The following PDS5B variants were observed in gnomAD, a reference collection of about 807,000 sequenced individuals.
PDS5B encodes sister chromatid cohesion protein PDS5 homolog B.
In PDS5B, 51 loss-of-function variants were observed where a neutral mutation model predicts 184.1. That is an observed-to-expected ratio of 0.28 (90% CI 0.22 to 0.35). The LOEUF (loss-of-function observed/expected upper bound fraction) is 0.35, where lower values mean the gene tolerates loss of function less well. Among genes scored for constraint, PDS5B ranks in the 10% least tolerant of loss-of-function variants. PDS5B has a pLI of 1.00. For missense variants in PDS5B, 1,180 were observed against 1,723.3 expected (o/e 0.68, Z 5.58); for synonymous variants, 566 against 569.2 (o/e 0.99, Z 0.08).
intron 7 of PDS5B, among the ~76,000 whole-genome samples, chr13:32,669,058 G>GT (rs1423287218): frequency 3.9e-5 from 6 of 152,142 alleles, no homozygotes; most frequent in Non-Finnish European, 5.9e-5. Context: ...CTGCAGTTTT[G>GT]TAAGTTACGG....
At chr13:32,750,515 T>C in intron 24 of PDS5B, among the ~76,000 whole-genome samples, 1 of 152,088 alleles carries the variant, frequency 6.6e-6, no homozygotes, top group Non-Finnish European at 1.5e-5. Context: ...ACTAGACTGC[T>C]TCTTCCCCTT....
intron 24 of PDS5B, among the ~76,000 whole-genome samples, chr13:32,750,782 TC>T (rs1168328670): frequency 6.6e-6 from 1 of 151,992 alleles, no homozygotes; most frequent in Non-Finnish European, 1.5e-5. Flanking sequence ...CCTCAGGTGA[TC>T]CACTTGCCTT....
At chr13:32,647,695 T>C (rs985074402) in intron 1 of PDS5B, among the ~76,000 whole-genome samples, 3 of 152,230 alleles carry the variant, frequency 2.0e-5, no homozygotes, top group Non-Finnish European at 4.4e-5. Flanking sequence ...GTTTAGTCTT[T>C]ATAATTTTTT....
chr13:32,732,426 A>T (rs1953156096), intron 20 of PDS5B, among the ~76,000 whole-genome samples: 1 of 152,174 alleles, frequency 6.6e-6, no homozygotes, highest in Admixed American at 6.5e-5. Context: ...CAGATTCAGA[A>T]ATCAAGCATT....
chr13:32,688,314 G>A (rs1951452713), intron 12 of PDS5B, 142 bp from the exon 13 acceptor site: 1 of 534,310 alleles, frequency 1.9e-6, no homozygotes, highest in South Asian at 2.8e-5. Context: ...ACAGATAGAA[G>A]GTTTTGATTT....
At position 32,694,214 on chromosome 13, in the gene PDS5B, G is replaced by T. The variant is rs769346715; in HGVS notation, c.1470-9G>T. 6.3e-7 allele frequency: 1 copy of T among 1,578,410 alleles called. No homozygotes were observed. The highest frequency in any genetic ancestry group is 8.7e-7 in the Non-Finnish European group (1 of 1,152,314). ...TTGTTATTTAAATGTGTATGTTTGT[G>T]TTTTTCAGAGCATTGAATGAAATGT... On this transcript the variant is annotated splice_polypyrimidine_tract_variant and intron_variant, in intron 13 of 34. Transcript: ENST00000315596.
Position 32,603,815 on chromosome 13 carries a change from G to T in PDS5B, c.-20+17222G>T, listed in dbSNP as rs143508651. On this transcript the variant is annotated intron_variant, in intron 1 of 34. Transcript: ENST00000315596. ...GGTCCTTCTCATCCCTTGTAAGTTG[G>T]ATACTTAGGTATTTTATTCTCTTTG... 5.6e-3 allele frequency among the ~76,000 whole-genome samples: 849 copies of T among 152,234 alleles called. 6 individuals carry two copies. Among genetic ancestry groups the T allele is most frequent in the African/African-American group, 0.02 (820 of 41,532 alleles).
At chr13:32,587,612 G>C (rs1156939163) in intron 1 of PDS5B, among the ~76,000 whole-genome samples, 1 of 152,180 alleles carries the variant, frequency 6.6e-6, no homozygotes, top group Non-Finnish European at 1.5e-5. Context: ...CTCGCCTTCG[G>C]AGCTGCAGGC....
chr13:32,748,865 T>C (rs1479456310), intron 24 of PDS5B, among the ~76,000 whole-genome samples: 2 of 152,212 alleles, frequency 1.3e-5, no homozygotes, highest in Non-Finnish European at 2.9e-5. Flanking sequence ...TGTTGCAAAG[T>C]ACAGATAATT....
rs779186500 is a variant in PDS5B, at chr13:32,753,322, G to A, written c.2737-10G>A. 11 of 1,605,208 alleles carry A rather than the reference G, an allele frequency of 6.9e-6. No homozygotes were observed. In the South Asian group the frequency reaches 7.7e-5, roughly 11 times the overall value. ...TTTGAATAATATCTGGAATAATTGT[G>A]TCTTTACAGGATGAATGCTATCAAG... is the stretch of plus-strand genomic sequence containing the variant. On this transcript the variant is annotated splice_polypyrimidine_tract_variant and intron_variant, in intron 24 of 34. Coordinates refer to ENST00000315596, the MANE Select transcript of PDS5B (RefSeq NM_015032.4).
At chr13:32,741,028 A>T in intron 21 of PDS5B, 52 bp from the exon 22 acceptor site, 1 of 1,049,178 alleles carries the variant, frequency 9.5e-7, no homozygotes. Flanking sequence ...AAAAGAATTC[A>T]TATTTACATT....
At chr13:32,665,838 G>A (rs1168747827) in intron 6 of PDS5B, among the ~76,000 whole-genome samples, 2 of 152,084 alleles carry the variant, frequency 1.3e-5, no homozygotes, top group Non-Finnish European at 2.9e-5. Flanking sequence ...ATAAAAAAAT[G>A]AAATTCTGTC....
In PDS5B at chr13:32,678,870, G is replaced by A; in HGVS notation, c.998G>A (p.Cys333Tyr). The A allele has an allele frequency of 6.2e-7, 1 of 1,609,220 alleles. No individual in the cohort carries two copies. Among genetic ancestry groups the A allele is most frequent in the East Asian group, 2.2e-5 (1 of 44,826 alleles). The change falls in exon 10 of 35, where the codon TGT becomes TAT. Residue 333 changes from cysteine (C) to tyrosine (Y), a missense_variant. Coordinates refer to ENST00000315596, the MANE Select transcript of PDS5B (RefSeq NM_015032.4). ...NDIHVPIRLE[C>Y]VKFASHCLMN... ...ATCCATGTACCAATCCGCCTGGAAT[G>A]TGTGAAATTTGCTAGCCATTGTCTC...
chr13:32,655,374 A>ATATATATATATATATATATATTTTT, intron 3 of PDS5B, among the ~76,000 whole-genome samples: 2 of 72,460 alleles, frequency 2.8e-5, no homozygotes, highest in Non-Finnish European at 2.2e-5. Context: ...ATATATATAT[A>ATATATATATATATATATATATTTTT]TTTTTTTTTT....
intron 19 of PDS5B, among the ~76,000 whole-genome samples, chr13:32,716,874 CCG>C: frequency 8.3e-6 from 1 of 120,306 alleles, no homozygotes; most frequent in South Asian, 2.8e-4. Context: ...GCCAGCCGCC[CCG>C]TCCGGGAGGT....
intron 1 of PDS5B, among the ~76,000 whole-genome samples, chr13:32,625,652 T>G (rs139477788): frequency 1.1e-4 from 16 of 152,206 alleles, no homozygotes; most frequent in African/African-American, 3.9e-4. Context: ...AGGCTAGAGT[T>G]TGTAAATCAG....
At chr13:32,623,433 G>A (rs953084790) in intron 1 of PDS5B, among the ~76,000 whole-genome samples, 12 of 152,090 alleles carry the variant, frequency 7.9e-5, no homozygotes, top group Non-Finnish European at 1.5e-4. Context: ...ATACAAAGTC[G>A]GTTTTAGTCC....
At chr13:32,700,518 T>G (rs1341896259) in intron 16 of PDS5B, among the ~76,000 whole-genome samples, 1 of 152,058 alleles carries the variant, frequency 6.6e-6, no homozygotes, top group Non-Finnish European at 1.5e-5. Context: ...CATTTTTTTC[T>G]CCTTGGGATT....
intron 31 of PDS5B, among the ~76,000 whole-genome samples, chr13:32,764,810 C>CA (rs1465780957): frequency 6.6e-6 from 1 of 151,912 alleles, no homozygotes; most frequent in Non-Finnish European, 1.5e-5. Flanking sequence ...CTCAATTGTT[C>CA]AGATTTTTGG....
Sources: allele counts gnomAD v4.1 joint callset (sites outside exome capture counted in the v4.1 genomes callset), GRCh38; gene constraint gnomAD v4.1.1; transcripts MANE v1.5; gene names NCBI Gene and HGNC (gene_info 2026-07-23, HGNC 2026-07-21).